The following GLI2 variants were observed in gnomAD, a reference collection of about 807,000 sequenced individuals.
GLI2 encodes the protein GLI family zinc finger 2, also known as transcription activator GLI2.
In GLI2, 22 loss-of-function variants were observed where a neutral mutation model predicts 78.9. The observed-to-expected ratio is 0.28, with a 90% CI of 0.20 to 0.40. The LOEUF is 0.40. Among genes scored for constraint, GLI2 ranks in the 10% least tolerant of loss-of-function variants. The probability of loss-of-function intolerance (pLI) is 1.00; values close to 1 mark genes in which losing one functional copy is unlikely to be tolerated. For missense variants in GLI2, 2,097 were observed against 2,213.2 expected (o/e 0.95, Z 1.05); for synonymous variants, 974 against 963.7 (o/e 1.01, Z -0.20).
At chr2:120,753,691 G>GATCAAGACC (rs1291751083) in intron 1 of GLI2, among the ~76,000 whole-genome samples, 1 of 152,052 alleles carries the variant, frequency 6.6e-6, no homozygotes, top group African/African-American at 2.4e-5. Context: ...GAGGTCAGGA[G>GATCAAGACC]ATCAAGACCA....
chr2:120,794,881 C>T (rs555981937), intron 1 of GLI2, among the ~76,000 whole-genome samples: 2 of 152,246 alleles, frequency 1.3e-5, no homozygotes, highest in East Asian at 1.9e-4. Context: ...TTTTCTCTCC[C>T]CCATCTGCCT....
chr2:120,911,376 G>A (rs1309611084), intron 2 of GLI2, among the ~76,000 whole-genome samples: 1 of 152,200 alleles, frequency 6.6e-6, no homozygotes, highest in Non-Finnish European at 1.5e-5. Context: ...GAAGGCTCCA[G>A]TGTGAAGGAA....
At chr2:120,786,429 C>T (rs967321534) in intron 1 of GLI2, among the ~76,000 whole-genome samples, 12 of 152,220 alleles carry the variant, frequency 7.9e-5, no homozygotes, top group African/African-American at 2.9e-4. Flanking sequence ...GCCACCTGCA[C>T]CATTCCCCTG....
intron 1 of GLI2, among the ~76,000 whole-genome samples, chr2:120,779,841 C>G (rs995716664): frequency 1.3e-5 from 2 of 152,234 alleles, no homozygotes; most frequent in African/African-American, 4.8e-5. Flanking sequence ...CTGGCAGCCT[C>G]GGGCTCTGTT....
chr2:120,770,201 C>T (rs1054489383), intron 1 of GLI2, among the ~76,000 whole-genome samples: 1 of 152,232 alleles, frequency 6.6e-6, no homozygotes, highest in Non-Finnish European at 1.5e-5. Context: ...GCTCCAAACA[C>T]AAACACATCC....
rs781640152 is a variant in GLI2 at position 120,989,700 on chromosome 2, C to T, written c.3735C>T (p.Ala1245=). 1.2e-6 allele frequency: 2 copies of T among 1,613,282 alleles called. No homozygotes were observed. Among genetic ancestry groups the T allele is most frequent in the East Asian group, 4.5e-5 (2 of 44,874 alleles). ...TGAGCCCCAGCACCATCAGTGGGGCCCTCAACCAGTTCCCCCAATCCTGCA... is the reference window on the plus strand; with the variant it reads ...TGAGCCCCAGCACCATCAGTGGGGCTCTCAACCAGTTCCCCCAATCCTGCA... ...PQLSPSTISG[A]LNQFPQSCSN... Residue 1245 remains alanine (A), a synonymous_variant, in exon 14 of 14, where the codon GCC becomes GCT. Coordinates refer to ENST00000361492, the MANE Select transcript of GLI2 (RefSeq NM_001374353.1).
chr2:120,770,800 T>A (rs1339611849), intron 1 of GLI2, among the ~76,000 whole-genome samples: 14 of 152,164 alleles, frequency 9.2e-5, no homozygotes, highest in Admixed American at 9.2e-4. Context: ...TCTCAAACTA[T>A]AATGATTATG....
intron 2 of GLI2, among the ~76,000 whole-genome samples, chr2:120,809,753 A>C (rs942907788): frequency 5.9e-5 from 9 of 152,174 alleles, no homozygotes; most frequent in Non-Finnish European, 1.3e-4. Context: ...TAGGCCCCAG[A>C]AGCTCTAAAA....
chr2:120,910,991 C>A (rs1053274302), intron 2 of GLI2, among the ~76,000 whole-genome samples: 5 of 152,218 alleles, frequency 3.3e-5, no homozygotes, highest in African/African-American at 1.2e-4. Flanking sequence ...AGTACTGCTC[C>A]CTCCTCCATC....
intron 1 of GLI2, among the ~76,000 whole-genome samples, chr2:120,773,625 C>T (rs562273689): frequency 5.3e-5 from 8 of 152,282 alleles, no homozygotes; most frequent in Admixed American, 2.0e-4. Flanking sequence ...GGTACAGTAG[C>T]GGCACAGTAT....
At chr2:120,837,251 G>A (rs182022365) in intron 2 of GLI2, among the ~76,000 whole-genome samples, 27,374 of 151,936 alleles carry the variant, frequency 0.18, 2,763 homozygotes, top group African/African-American at 0.25. Flanking sequence ...AAAACTAGCC[G>A]GGTGTGGTGG....
rs1304589258 is a variant in GLI2, at chr2:120,906,993, A to ATC, written c.149-20367_149-20366dup. On this transcript the variant is annotated intron_variant, in intron 2 of 13. Coordinates refer to ENST00000361492, the MANE Select transcript of GLI2 (RefSeq NM_001374353.1). ...CTTAATTCATCCCCTTGTCTGCAGC[A>ATC]TCACACACACACCCCACCCTCCACA... Among the ~76,000 whole-genome samples the ATC allele has an allele frequency of 7.2e-5, 11 of 152,238 alleles. No homozygotes were observed. In the East Asian group the frequency reaches 1.9e-3, roughly 27 times the overall value.
rs200507501 is a variant in GLI2 at position 120,982,730 on chromosome 2, G to T, written c.1482G>T (p.Ser494=). The T allele has an allele frequency of 1.9e-6, 3 of 1,613,254 alleles. No homozygotes were observed. Among genetic ancestry groups the T allele is most frequent in the African/African-American group, 1.3e-5 (1 of 75,022 alleles). The change falls in exon 11 of 14, where the codon TCG becomes TCT. Residue 494 remains serine, a synonymous_variant. Transcript: ENST00000361492. ...KPHKCTFEGC[S]KAYSRLENLK... is the part of the protein sequence containing the mutation. ...CCTCCTTCTAGTTCGAGGGCTGCTC[G>T]AAGGCCTACTCCCGCCTGGAGAACC...
intron 3 of GLI2, among the ~76,000 whole-genome samples, chr2:120,935,600 A>C (rs1383053980): frequency 6.6e-6 from 1 of 152,174 alleles, no homozygotes; most frequent in Non-Finnish European, 1.5e-5. Flanking sequence ...ATCACTCCCC[A>C]ATAATCACTC....
chr2:120,756,780 G>T (rs551739120), intron 1 of GLI2, among the ~76,000 whole-genome samples: 16 of 152,108 alleles, frequency 1.1e-4, no homozygotes, highest in African/African-American at 3.6e-4. Context: ...ATGATTTTCT[G>T]TGGGTTTGTA....
At chr2:120,744,344 G>A (rs141192887) in intron 1 of GLI2, among the ~76,000 whole-genome samples, 5 of 151,988 alleles carry the variant, frequency 3.3e-5, no homozygotes, top group African/African-American at 9.7e-5. Flanking sequence ...TCAAGGTGAG[G>A]GGACATCTCT....
intron 1 of GLI2, among the ~76,000 whole-genome samples, chr2:120,739,184 C>G (rs1438139213): frequency 5.9e-5 from 9 of 152,144 alleles, no homozygotes; most frequent in Non-Finnish European, 1.0e-4. Context: ...ACAGTGCAGC[C>G]CCTGGGGCTG....
chr2:120,953,102 T>A (rs1303980838), intron 4 of GLI2, among the ~76,000 whole-genome samples: 2 of 152,214 alleles, frequency 1.3e-5, no homozygotes, highest in African/African-American at 4.8e-5. Context: ...TTCCCTCATT[T>A]GGAAAAGCAG....
intron 3 of GLI2, among the ~76,000 whole-genome samples, chr2:120,943,424 T>C (rs1680558988): frequency 6.6e-6 from 1 of 152,156 alleles, no homozygotes; most frequent in Non-Finnish European, 1.5e-5. Context: ...CATGGGATTG[T>C]GGCCCCTCGC....
Sources: allele counts gnomAD v4.1 joint callset (sites outside exome capture counted in the v4.1 genomes callset), GRCh38; gene constraint gnomAD v4.1.1; transcripts MANE v1.5; gene names NCBI Gene and HGNC (gene_info 2026-07-23, HGNC 2026-07-21).